FBXL17: variants seen among roughly 807,000 people sequenced by gnomAD.
FBXL17 encodes the protein F-box/LRR-repeat protein 17.
In FBXL17, 22 loss-of-function variants were observed where a neutral mutation model predicts 66.2. The observed-to-expected ratio is 0.33, with a 90% confidence interval of 0.24 to 0.47. The LOEUF is 0.47. FBXL17 is among the 20% of genes least tolerant of loss of function. The pLI is 1.00. For missense variants in FBXL17, 878 were observed against 948.2 expected (o/e 0.93, Z 0.97); for synonymous variants, 474 against 400.5 (o/e 1.18, Z -2.19).
At chr5:107,889,177 T>C (rs1222941617) in intron 7 of FBXL17, among the ~76,000 whole-genome samples, 2 of 152,226 alleles carry the variant, frequency 1.3e-5, no homozygotes, top group African/African-American at 4.8e-5. Context: ...AGTAGATATC[T>C]ATTACATTAA....
chr5:108,158,769 C>T (rs970948964), intron 6 of FBXL17, among the ~76,000 whole-genome samples: 10 of 152,180 alleles, frequency 6.6e-5, no homozygotes, highest in East Asian at 1.9e-4. Context: ...GTCTTAACTC[C>T]GGTTTTAATT....
chr5:107,947,006 A>T (rs935647350), intron 7 of FBXL17, among the ~76,000 whole-genome samples: 5 of 152,176 alleles, frequency 3.3e-5, no homozygotes, highest in Non-Finnish European at 2.9e-5. Flanking sequence ...AATAATTAAA[A>T]AAGAAAGCCC....
rs375586255 is a variant in FBXL17, at chr5:108,138,443, T to A, written c.1745+47674A>T. Among the ~76,000 whole-genome samples the A allele has an allele frequency of 2.0e-4, 31 of 152,038 alleles. No homozygotes were observed. The East Asian group carries it at 3.9e-3, about 19-fold the overall frequency. ...GCTTTTGGATTGTGTGTAGATATCA[T>A]ACGTTTTTTTCTTTCCTATTCCAAT... On this transcript the variant is annotated intron_variant, in intron 6 of 8. Transcript: ENST00000542267.
At chr5:108,277,041 AT>A (rs2150145021) in intron 4 of FBXL17, among the ~76,000 whole-genome samples, 1 of 152,220 alleles carries the variant, frequency 6.6e-6, no homozygotes, top group South Asian at 2.1e-4. Flanking sequence ...AGATGTTTCC[AT>A]TTAAACCAAA....
At chr5:107,892,536 A>T (rs1749230285) in intron 7 of FBXL17, among the ~76,000 whole-genome samples, 1 of 152,192 alleles carries the variant, frequency 6.6e-6, no homozygotes, top group East Asian at 1.9e-4. Context: ...TCTACTGAAT[A>T]GATCACTTAA....
At chr5:108,030,732 T>C (rs894922928) in intron 6 of FBXL17, among the ~76,000 whole-genome samples, 12 of 152,046 alleles carry the variant, frequency 7.9e-5, no homozygotes, top group African/African-American at 2.9e-4. Context: ...GAAAGAAAGA[T>C]TGAGAGTTCA....
intron 7 of FBXL17, among the ~76,000 whole-genome samples, chr5:107,884,579 C>T (rs9784679): frequency 0.29 from 43,818 of 152,108 alleles, 6,618 homozygotes; most frequent in Middle Eastern, 0.35. Flanking sequence ...ATATACAGCA[C>T]GTAATTTGCC....
At chr5:108,307,481 AT>A in intron 4 of FBXL17, among the ~76,000 whole-genome samples, 1 of 151,566 alleles carries the variant, frequency 6.6e-6, no homozygotes. Flanking sequence ...TAATTTTTTA[AT>A]TTTTTTGTAG....
intron 6 of FBXL17, among the ~76,000 whole-genome samples, chr5:108,028,333 A>G (rs534721709): frequency 3.7e-4 from 57 of 152,272 alleles, no homozygotes; most frequent in African/African-American, 1.3e-3. Context: ...TATTAAACAT[A>G]TAATTGATGA....
intron 6 of FBXL17, among the ~76,000 whole-genome samples, chr5:108,135,402 G>A (rs182386277): frequency 6.6e-6 from 1 of 152,134 alleles, no homozygotes; most frequent in East Asian, 1.9e-4. Flanking sequence ...CATGTAAAAG[G>A]GTAAGAATTA....
chr5:107,934,978 G>A (rs1218838241), intron 7 of FBXL17, among the ~76,000 whole-genome samples: 1 of 152,090 alleles, frequency 6.6e-6, no homozygotes. Flanking sequence ...CCTCAAGTCA[G>A]GTGGTCTGTG....
rs1318321512 is a variant in FBXL17, at chr5:108,381,596, C to T, written c.96G>A (p.Arg32=). 6.1e-6 allele frequency: 9 copies of T among 1,472,850 alleles called. No homozygotes were observed. In the South Asian group the frequency reaches 1.2e-4, roughly 19 times the overall value. 91.2% of individuals were successfully genotyped at this position (1,472,850 alleles called of 1,614,324 possible). Residue 32 remains arginine, a synonymous_variant, in exon 1 of 9, where the codon AGG becomes AGA. Transcript: ENST00000542267. ...CCTTGGCTGGGGTCCGGCGGGGCAG[C>T]CTGAGGAGAGGGCGCCGGCGGCGGC... ...SWCRRRRPLL[R]LPRRTPAKVP...
At chr5:107,990,581 T>C (rs1045002849) in intron 7 of FBXL17, among the ~76,000 whole-genome samples, 3 of 152,120 alleles carry the variant, frequency 2.0e-5, no homozygotes, top group African/African-American at 7.2e-5. Context: ...CAATAACAAC[T>C]AATAATAAAT....
At chr5:108,212,373 G>A (rs2922416) in intron 5 of FBXL17, among the ~76,000 whole-genome samples, 49,466 of 152,032 alleles carry the variant, frequency 0.33, 8,208 homozygotes, top group Middle Eastern at 0.38. Context: ...TTGTTCTCTT[G>A]CTGGCGAGGA....
At chr5:108,021,240 A>G (rs543517268) in intron 6 of FBXL17, among the ~76,000 whole-genome samples, 1 of 151,266 alleles carries the variant, frequency 6.6e-6, no homozygotes, top group South Asian at 2.1e-4. Flanking sequence ...AAATATTCCC[A>G]TAAGAGTAAT....
At chr5:108,324,593 C>T (rs72791270) in intron 4 of FBXL17, among the ~76,000 whole-genome samples, 18,400 of 151,774 alleles carry the variant, frequency 0.12, 1,337 homozygotes, top group Admixed American at 0.16. Context: ...TGGATATATA[C>T]CCCAAAGAAC....
intron 6 of FBXL17, among the ~76,000 whole-genome samples, chr5:108,068,470 G>C (rs1313685233): frequency 8.2e-6 from 1 of 122,630 alleles, no homozygotes; most frequent in African/African-American, 3.1e-5. Flanking sequence ...GGGGGGGGGC[G>C]GGGGGAATGG....
At chr5:108,182,091 TATTATC>T (rs1753028318) in intron 6 of FBXL17, among the ~76,000 whole-genome samples, 1 of 152,222 alleles carries the variant, frequency 6.6e-6, no homozygotes, top group South Asian at 2.1e-4. Flanking sequence ...CAAGGCTCAC[TATTATC>T]ATTAAGTCTT....
At chr5:108,101,041 T>C (rs1749580283) in intron 6 of FBXL17, among the ~76,000 whole-genome samples, 1 of 152,244 alleles carries the variant, frequency 6.6e-6, no homozygotes, top group African/African-American at 2.4e-5. Flanking sequence ...TCTACACTGC[T>C]GTCCAGCTTA....
Sources: allele counts gnomAD v4.1 joint callset (sites outside exome capture counted in the v4.1 genomes callset), GRCh38; gene constraint gnomAD v4.1.1; transcripts MANE v1.5; gene names NCBI Gene and HGNC (gene_info 2026-07-23, HGNC 2026-07-21).